CIITA: variants seen among roughly 807,000 people sequenced by gnomAD.
CIITA encodes the protein class II major histocompatibility complex transactivator.
Under a neutral mutation model 115.1 loss-of-function variants are expected in CIITA, and 72 were observed. The observed-to-expected ratio is 0.63, with a 90% CI of 0.52 to 0.76. The LOEUF is 0.76. CIITA is among the 30% of genes least tolerant of loss of function. The pLI, the probability that CIITA is intolerant of heterozygous loss-of-function variation, is 0.00. For synonymous variants in CIITA, 763 were observed against 635.6 expected (o/e 1.20, Z -3.02); for missense variants, 1,617 against 1,463.8 (o/e 1.10, Z -1.71).
chr16:10,880,462 G>A lies in CIITA; in HGVS notation c.52+3080G>A, dbSNP rs568090520. 9.8e-5 allele frequency among the ~76,000 whole-genome samples: 15 copies of A among 152,322 alleles called. 1 individual carries two copies. Among genetic ancestry groups the A allele is most frequent in the Admixed American group, 2.0e-4 (3 of 15,296 alleles). ...TGTTACAAAACCTCTATCAGAAAAG[G>A]AGTACCAGGAGGTGTTTTGTTTTGT... On this transcript the variant is annotated intron_variant, in intron 1 of 19. Transcript: ENST00000324288.
chr16:10,905,672 G>A (rs1364200031), intron 10 of CIITA, among the ~76,000 whole-genome samples: 1 of 151,980 alleles, frequency 6.6e-6, no homozygotes, highest in Non-Finnish European at 1.5e-5. Flanking sequence ...CGAGGCAGGA[G>A]AATCGCCTAA....
chr16:10,875,958 C>T (rs2035805915), upstream of CIITA, among the ~76,000 whole-genome samples: 1 of 151,862 alleles, frequency 6.6e-6, no homozygotes, highest in Admixed American at 6.6e-5. Flanking sequence ...CGAAAGAGCG[C>T]GACTCCGTCT....
chr16:10,903,051 A>G (rs1445489645), intron 8 of CIITA, among the ~76,000 whole-genome samples: 1 of 151,984 alleles, frequency 6.6e-6, no homozygotes, highest in Non-Finnish European at 1.5e-5. Context: ...TCCCCTTCTG[A>G]CCCTTAGTTT....
At chr16:10,870,956 T>C (rs547774135) in intron 1 of CIITA, among the ~76,000 whole-genome samples, 2 of 152,290 alleles carry the variant, frequency 1.3e-5, no homozygotes, top group South Asian at 2.1e-4. Flanking sequence ...ACCTACCCCA[T>C]GCAAAATGCA....
At chr16:10,889,586 C>G (rs2037335038) in intron 1 of CIITA, among the ~76,000 whole-genome samples, 1 of 151,834 alleles carries the variant, frequency 6.6e-6, no homozygotes, top group Non-Finnish European at 1.5e-5. Context: ...GTGGCGCAGT[C>G]TTGGTTCACT....
chr16:10,892,766 C>T (rs1165823378), intron 1 of CIITA, among the ~76,000 whole-genome samples: 1 of 152,098 alleles, frequency 6.6e-6, no homozygotes, highest in Non-Finnish European at 1.5e-5. Flanking sequence ...AACCCCATTT[C>T]TACTAAAAAT....
At chr16:10,938,393 A>G (rs2041058869), downstream of CIITA, 1 of 152,002 alleles carries the variant, frequency 6.6e-6, no homozygotes, top group Admixed American at 6.5e-5. This position sits in a 1 kb window ranked among gnomAD's most constrained non-coding sequence, Gnocchi z 4.9. Flanking sequence ...AGAGGGAGCA[A>G]AAGTAGGTGC....
At position 10,926,018 on chromosome 16, in the gene CIITA, T is replaced by G. The variant is rs1056082248; in HGVS notation, c.*2163T>G. The G allele has an allele frequency of 6.6e-6, 1 of 152,178 alleles. No homozygotes were observed. The highest frequency in any genetic ancestry group is 1.5e-5 in the Non-Finnish European group (1 of 68,024). The allele number at this position is 152,178 out of a possible 1,614,324, so 9.4% of individuals were successfully genotyped here. A position where few individuals can be genotyped will look rare whatever the true frequency, so the allele number is the denominator to read the frequency against. On this transcript the variant is annotated 3_prime_UTR_variant, in exon 20 of 20. Transcript: ENST00000324288. ...TGCCGGCACGACTGTTGCTTTTCAC[T>G]CGGGCATAGTCTGCTCAGAAGCCCC...
intron 1 of CIITA, chr16:10,866,514 C>G (rs768692251): frequency 7.2e-6 from 4 of 555,630 alleles, no homozygotes; most frequent in Non-Finnish European, 3.5e-6. Context: ...TGGGGTGGGC[C>G]CGGAGTGGGC....
chr16:10,922,572 T>G, intron 18 of CIITA, 82 bp downstream of exon 18: 2 of 1,410,264 alleles, frequency 1.4e-6, no homozygotes, highest in Non-Finnish European at 2.0e-6. Flanking sequence ...GCTCAAATCA[T>G]GCTCTTCCCT....
At chr16:10,902,226 G>T in intron 7 of CIITA, 42 bp downstream of exon 7, 1 of 1,612,700 alleles carries the variant, frequency 6.2e-7, no homozygotes. Context: ...TCTCCCTCTT[G>T]GGAGGTGGAT....
chr16:10,906,365 A>G (rs1381678574), intron 10 of CIITA, 134 bp from the exon 11 acceptor site: 2 of 1,157,106 alleles, frequency 1.7e-6, no homozygotes, highest in Non-Finnish European at 2.5e-6. Context: ...GTCTCAAAAC[A>G]AAACAAAACA....
At chr16:10,891,863 G>A (rs1596482414) in intron 1 of CIITA, among the ~76,000 whole-genome samples, 1 of 152,144 alleles carries the variant, frequency 6.6e-6, no homozygotes, top group Non-Finnish European at 1.5e-5. Context: ...CTGGGATCTC[G>A]CTGCAAGCCG....
At chr16:10,888,361 A>G (rs896835449) in intron 1 of CIITA, 1 of 152,210 alleles carries the variant, frequency 6.6e-6, no homozygotes, top group Admixed American at 6.5e-5. Flanking sequence ...AAAGTTGGGA[A>G]ATTTCACCCC....
At chr16:10,884,581 A>T (rs1294984832) in intron 1 of CIITA, among the ~76,000 whole-genome samples, 1 of 151,832 alleles carries the variant, frequency 6.6e-6, no homozygotes, top group Non-Finnish European at 1.5e-5. Context: ...CACCCAGCTA[A>T]TTTTTGTATC....
rs117011478 is a variant in CIITA at position 10,882,338 on chromosome 16, A to G, written c.52+4956A>G. On this transcript the variant is annotated intron_variant, in intron 1 of 19. Coordinates refer to ENST00000324288, the MANE Select transcript of CIITA (RefSeq NM_000246.4). ...AACCGGATGAGAGGAAAGACCTGGAAGCTATTGTAAAATCTATGCTGAGGG... is the reference window on the plus strand; with the variant it reads ...AACCGGATGAGAGGAAAGACCTGGAGGCTATTGTAAAATCTATGCTGAGGG... Among the ~76,000 whole-genome samples the G allele has an allele frequency of 3.9e-3, 599 of 152,362 alleles. 1 individual carries two copies. Among genetic ancestry groups the G allele is most frequent in the Non-Finnish European group, 4.9e-3 (334 of 68,028 alleles).
upstream of CIITA, among the ~76,000 whole-genome samples, chr16:10,875,945 G>T (rs1001014312): frequency 1.3e-5 from 2 of 152,146 alleles, no homozygotes; most frequent in Non-Finnish European, 2.9e-5. Context: ...AGTCCAGCCT[G>T]GGCGAAAGAG....
chr16:10,903,922 G>A (rs757579874), intron 9 of CIITA, 27 bp downstream of exon 9: 2 of 1,614,110 alleles, frequency 1.2e-6, no homozygotes, highest in South Asian at 2.2e-5. Context: ...CCTGTGAGAG[G>A]TACTAGAAGC....
intron 1 of CIITA, chr16:10,866,621 G>C: frequency 2.3e-6 from 1 of 434,466 alleles, no homozygotes; most frequent in South Asian, 1.8e-5. Flanking sequence ...ACTGTAGACA[G>C]CTCAAGGATT....
Sources: allele counts gnomAD v4.1 joint callset (sites outside exome capture counted in the v4.1 genomes callset), GRCh38; gene constraint gnomAD v4.1.1; non-coding constraint Gnocchi (gnomAD v3.1); transcripts MANE v1.5; gene names NCBI Gene and HGNC (gene_info 2026-07-23, HGNC 2026-07-21).